ZNF791: variants seen among roughly 807,000 people sequenced by gnomAD.
ZNF791 encodes the protein zinc finger protein 791.
Under a neutral mutation model 11.5 loss-of-function variants are expected in ZNF791, and 4 were observed. That is an observed-to-expected ratio of 0.35 (90% confidence interval 0.17 to 0.80). The LOEUF (loss-of-function observed/expected upper bound fraction) is 0.80. Among genes scored for constraint, ZNF791 ranks in the 30% least tolerant of loss-of-function variants. The pLI is 0.53. For synonymous variants in ZNF791, 212 were observed against 228.1 expected (o/e 0.93, Z 0.64); for missense variants, 559 against 699.4 (o/e 0.80, Z 2.26).
In ZNF791 at chr19:12,623,833, A is replaced by G. The variant is rs1302537387; in HGVS notation, c.130+7A>G. ...AAGAACCTGGCATCTATAGGTAAGG[A>G]TGACATCATTTTTTCTTTTTTCTTT... is the stretch of plus-strand genomic sequence containing the variant. On this transcript the variant is annotated splice_region_variant and intron_variant, in intron 2 of 3. Transcript: ENST00000343325. 1.7e-6 allele frequency: 2 copies of G among 1,193,394 alleles called. No homozygotes were observed. Among genetic ancestry groups the G allele is most frequent in the East Asian group, 2.4e-5 (1 of 41,868 alleles). 73.9% of individuals were successfully genotyped at this position (1,193,394 alleles called of 1,614,324 possible).
At chr19:12,622,421 A>AAC (rs1314605182) in intron 1 of ZNF791, among the ~76,000 whole-genome samples, 4 of 146,342 alleles carry the variant, frequency 2.7e-5, no homozygotes, top group Non-Finnish European at 6.1e-5. Flanking sequence ...CAAAAAAAAA[A>AAC]AAAAAAAAAA....
intron 1 of ZNF791, among the ~76,000 whole-genome samples, chr19:12,620,875 C>G (rs188426970): frequency 6.7e-6 from 1 of 149,578 alleles, no homozygotes; most frequent in East Asian, 2.0e-4. Context: ...ATTCTCCTGC[C>G]TCTGCCTCCC....
intron 1 of ZNF791, among the ~76,000 whole-genome samples, chr19:12,621,081 A>T (rs2023336162): frequency 6.6e-6 from 1 of 152,080 alleles, no homozygotes; most frequent in Non-Finnish European, 1.5e-5. Flanking sequence ...TTTTGGAGGT[A>T]TGAAATTACC....
chr19:12,626,272 C>T lies in ZNF791; in HGVS notation c.192-1449C>T, dbSNP rs140445739. Among the ~76,000 whole-genome samples the T allele has an allele frequency of 4.2e-3, 633 of 152,146 alleles. 7 individuals carry two copies. The highest frequency in any genetic ancestry group is 0.015 in the African/African-American group (619 of 41,536). On this transcript the variant is annotated intron_variant, in intron 3 of 3. Transcript: ENST00000343325. ...CCTCGTGATCTGCCCACCTCGGCCT[C>T]CCAAAGTGCTGGGATTACAGGCGTG...
intron 1 of ZNF791, among the ~76,000 whole-genome samples, chr19:12,614,593 C>CTTT (rs369598648): frequency 7.9e-6 from 1 of 126,160 alleles, no homozygotes. Flanking sequence ...ATATGTTTAA[C>CTTT]TTTTTTTTTT....
intron 1 of ZNF791, among the ~76,000 whole-genome samples, chr19:12,621,717 TG>T (rs2071016068): frequency 3.2e-5 from 2 of 61,666 alleles, no homozygotes; most frequent in Admixed American, 2.6e-4. Context: ...TCCACCTCGG[TG>T]GGGGGTCAGC....
At position 12,623,725 on chromosome 19, in the gene ZNF791, C is replaced by T; in HGVS notation, c.29C>T (p.Ser10Phe). Reference sequence around the variant, plus strand: ...GACTCAGTGGCTTTTGAGGATGTGTCTGTGAGCTTCAGCCAGGAGGAGTGG... The same window carrying T: ...GACTCAGTGGCTTTTGAGGATGTGTTTGTGAGCTTCAGCCAGGAGGAGTGG... MDSVAFEDV[S>F]VSFSQEEWAL... Residue 10 changes from serine to phenylalanine, a missense_variant, in exon 2 of 4, where the codon TCT becomes TTT. Ser to Phe is a radical substitution (Grantham distance 155). Transcript: ENST00000343325. The T allele has an allele frequency of 6.2e-7, 1 of 1,614,110 alleles. No individual in the cohort carries two copies. The highest frequency in any genetic ancestry group is 8.5e-7 in the Non-Finnish European group (1 of 1,180,012).
intron 1 of ZNF791, among the ~76,000 whole-genome samples, chr19:12,619,685 A>C (rs1248222683): frequency 3.3e-5 from 5 of 151,108 alleles, no homozygotes; most frequent in Non-Finnish European, 7.4e-5. Flanking sequence ...TCCTGACCTC[A>C]TGATCTACCT....
intron 1 of ZNF791, chr19:12,612,206 CTTTT>C: frequency 8.0e-6 from 5 of 625,254 alleles, no homozygotes; most frequent in Non-Finnish European, 9.8e-6. Flanking sequence ...TTATTATTTT[CTTTT>C]TTTTTTTTTT....
chr19:12,611,439 C>T (rs1256019509), intron 1 of ZNF791, among the ~76,000 whole-genome samples: 2 of 152,114 alleles, frequency 1.3e-5, no homozygotes, highest in Admixed American at 1.3e-4. Flanking sequence ...AGCAGAGTCT[C>T]AAATCCACTA....
chr19:12,616,585 T>C (rs2023247431), intron 1 of ZNF791, among the ~76,000 whole-genome samples: 1 of 152,010 alleles, frequency 6.6e-6, no homozygotes, highest in Admixed American at 6.6e-5. Context: ...CCCAGCTATT[T>C]GGGAGGCTGA....
chr19:12,623,769 CAGA>C lies in ZNF791; in HGVS notation c.78_80del (p.Lys27del). The stretch of plus-strand genomic sequence containing the variant: ...GGAGTGGGCTCTGCTGGCTCCTTCA[CAGA>C]AGAAACTCTACAGAGATGTGATGCA... On this transcript the variant is annotated inframe_deletion, in exon 2 of 4. Transcript: ENST00000343325. 2 of 1,611,754 alleles carry C rather than the reference CAGA, an allele frequency of 1.2e-6. No homozygotes were observed. The highest frequency in any genetic ancestry group is 1.7e-6 in the Non-Finnish European group (2 of 1,179,198).
At chr19:12,617,315 G>A (rs1167019630) in intron 1 of ZNF791, among the ~76,000 whole-genome samples, 1 of 151,496 alleles carries the variant, frequency 6.6e-6, no homozygotes, top group African/African-American at 2.4e-5. Flanking sequence ...TAGTAGAGAT[G>A]GGGTTTCACC....
At chr19:12,622,903 A>C (rs2023375653) in intron 1 of ZNF791, among the ~76,000 whole-genome samples, 2 of 108,954 alleles carry the variant, frequency 1.8e-5, no homozygotes, top group South Asian at 2.5e-4. Context: ...CAAAAAAAAA[A>C]AAAAAAAGAA....
intron 1 of ZNF791, among the ~76,000 whole-genome samples, chr19:12,615,370 T>C (rs923041802): frequency 3.3e-5 from 5 of 152,148 alleles, no homozygotes; most frequent in Non-Finnish European, 7.3e-5. Flanking sequence ...CGTGGAGTTA[T>C]TCAGGATATA....
chr19:12,624,342 G>A (rs2023397158), intron 2 of ZNF791, among the ~76,000 whole-genome samples: 2 of 151,430 alleles, frequency 1.3e-5, no homozygotes, highest in Non-Finnish European at 2.9e-5. Flanking sequence ...TAGTAGAGAC[G>A]GGGTTTTATC....
chr19:12,619,227 C>T (rs1184324563), intron 1 of ZNF791, among the ~76,000 whole-genome samples: 1 of 152,046 alleles, frequency 6.6e-6, no homozygotes, highest in Admixed American at 6.6e-5. Flanking sequence ...GACTTTTTCA[C>T]GGTTTTGTTT....
rs778820486 is a variant in ZNF791, at chr19:12,628,358, T to C, written c.829T>C (p.Cys277Arg). Residue 277 changes from cysteine (C) to arginine (R), a missense_variant, in exon 4 of 4, where the codon TGT becomes CGT. Transcript: ENST00000343325. ...NGDRPYKCKE[C>R]GKAFIFPSFL... ...AGATAGACCTTATAAATGCAAAGAA[T>C]GTGGAAAGGCATTCATTTTTCCCAG... 6.2e-7 allele frequency: 1 copy of C among 1,610,006 alleles called. No individual in the cohort carries two copies. The highest frequency in any genetic ancestry group is 8.5e-7 in the Non-Finnish European group (1 of 1,177,872).
rs1191293562 is a variant in ZNF791 at position 12,633,339 on chromosome 19, G to A, written c.*4079G>A. The A allele has an allele frequency of 1.3e-5, 2 of 151,990 alleles. No homozygotes were observed. Among genetic ancestry groups the A allele is most frequent in the Admixed American group, 6.6e-5 (1 of 15,240 alleles). The allele number at this position is 151,990 out of a possible 1,614,324, so 9.4% of individuals were successfully genotyped here. A position where few individuals can be genotyped will look rare whatever the true frequency, so the allele number is the denominator to read the frequency against. Reference sequence around the variant, plus strand: ...GGACGTGGCCCTCCTGCTACCTGTCGACACAGGTAAATTTCCTAGAATCTG... The same window carrying A: ...GGACGTGGCCCTCCTGCTACCTGTCAACACAGGTAAATTTCCTAGAATCTG... On this transcript the variant is annotated 3_prime_UTR_variant, in exon 4 of 4. Transcript: ENST00000343325.
Sources: gnomAD v4.1 joint callset for allele counts (sites outside exome capture counted in the v4.1 genomes callset) on GRCh38, gnomAD v4.1.1 for gene constraint, MANE v1.5 for transcripts, NCBI Gene and HGNC (gene_info 2026-07-23, HGNC 2026-07-21) for gene names.